Variants in NRG3 observed in about 807,000 individuals in gnomAD.
The protein encoded by NRG3 is neuregulin 3.
Under a neutral mutation model 66.9 loss-of-function variants are expected in NRG3, and 31 were observed. That is an observed-to-expected ratio of 0.46 (90% CI 0.35 to 0.63). The LOEUF (loss-of-function observed/expected upper bound fraction) is 0.63. Among genes scored for constraint, NRG3 ranks in the 20% least tolerant of loss-of-function variants. The probability of loss-of-function intolerance (pLI) is 0.00; values close to 1 mark genes in which losing one functional copy is unlikely to be tolerated. For synonymous variants in NRG3, 393 were observed against 359.4 expected (o/e 1.09, Z -1.06); for missense variants, 910 against 878.9 (o/e 1.04, Z -0.45).
At chr10:82,102,486 A>C (rs996333448) in intron 1 of NRG3, among the ~76,000 whole-genome samples, 1 of 150,976 alleles carries the variant, frequency 6.6e-6, no homozygotes, top group Non-Finnish European at 1.5e-5. Flanking sequence ...ATTTAGGTTT[A>C]GCTTTTTTAT....
chr10:82,146,845 G>T (rs1471300387), intron 1 of NRG3, among the ~76,000 whole-genome samples: 1 of 152,114 alleles, frequency 6.6e-6, no homozygotes, highest in Admixed American at 6.5e-5. Context: ...GTACAGGGAG[G>T]GTTGACCAAG....
In NRG3 at chr10:82,935,686, C is replaced by T. The variant is rs192137399; in HGVS notation, c.1055-15783C>T. Among the ~76,000 whole-genome samples, 146 of 152,068 alleles carry T rather than the reference C, an allele frequency of 9.6e-4. 1 individual carries two copies. The highest frequency in any genetic ancestry group is 2.9e-3 in the African/African-American group (121 of 41,488). On this transcript the variant is annotated intron_variant, in intron 4 of 8. Coordinates refer to ENST00000372141, the MANE Select transcript of NRG3 (RefSeq NM_001010848.4). ...GGCTGGAGTGCAGAGTGCAGTGGCG[C>T]GATCTCAGCTAACTGAAACCTCTGC...
chr10:82,633,386 T>C (rs1310206257), intron 2 of NRG3, among the ~76,000 whole-genome samples: 1 of 152,174 alleles, frequency 6.6e-6, no homozygotes, highest in Non-Finnish European at 1.5e-5. Context: ...ACTAAGTTCT[T>C]GGATAGAAAT....
chr10:82,573,970 T>C (rs1044596070), intron 2 of NRG3, among the ~76,000 whole-genome samples: 2 of 151,766 alleles, frequency 1.3e-5, no homozygotes, highest in Admixed American at 1.3e-4. Flanking sequence ...TGGAAAACAC[T>C]ATGGAGGTTC....
intron 1 of NRG3, among the ~76,000 whole-genome samples, chr10:82,060,231 A>G (rs7907146): frequency 0.86 from 131,472 of 152,230 alleles, 57,780 homozygotes; most frequent in Middle Eastern, 0.97. Flanking sequence ...CATTTCCTTT[A>G]TTGTCTTCAC....
At chr10:82,020,020 T>C (rs909376899) in intron 1 of NRG3, among the ~76,000 whole-genome samples, 1 of 152,150 alleles carries the variant, frequency 6.6e-6, no homozygotes. Context: ...GTTCTTTTAA[T>C]TGTGATGTTA....
intron 3 of NRG3, among the ~76,000 whole-genome samples, chr10:82,809,383 A>G (rs2061408536): frequency 1.3e-5 from 2 of 151,654 alleles, no homozygotes; most frequent in South Asian, 4.1e-4. Context: ...TATATATTAT[A>G]TTTATAAAAT....
intron 4 of NRG3, among the ~76,000 whole-genome samples, chr10:82,900,346 A>C (rs1844097837): frequency 6.6e-6 from 1 of 152,188 alleles, no homozygotes; most frequent in Admixed American, 6.5e-5. Context: ...TTATTTTGAT[A>C]GTGTTACTAT....
chr10:82,191,015 C>T (rs943330733), intron 1 of NRG3, among the ~76,000 whole-genome samples: 1 of 152,072 alleles, frequency 6.6e-6, no homozygotes. Flanking sequence ...CCTGACGTGG[C>T]ACTATTCAGA....
intron 1 of NRG3, among the ~76,000 whole-genome samples, chr10:82,001,389 G>A (rs537996722): frequency 2.0e-5 from 3 of 151,950 alleles, no homozygotes; most frequent in East Asian, 3.9e-4. Context: ...CATAATCCCC[G>A]CTACTTGGGA....
chr10:82,929,049 C>T (rs1411692183), intron 4 of NRG3, among the ~76,000 whole-genome samples: 1 of 152,150 alleles, frequency 6.6e-6, no homozygotes, highest in Non-Finnish European at 1.5e-5. Context: ...TCAACAAATG[C>T]ATGCATTTGG....
intron 2 of NRG3, among the ~76,000 whole-genome samples, chr10:82,574,531 T>A (rs2045925946): frequency 1.3e-5 from 2 of 151,712 alleles, no homozygotes; most frequent in South Asian, 4.1e-4. Flanking sequence ...AAGAAAAGAT[T>A]TGAAATTTGT....
intron 2 of NRG3, among the ~76,000 whole-genome samples, chr10:82,520,158 A>T (rs1014072148): frequency 2.0e-5 from 3 of 149,550 alleles, no homozygotes; most frequent in Non-Finnish European, 4.4e-5. Flanking sequence ...AATTTCCCAG[A>T]AGCTGTCCTA....
At chr10:82,278,185 A>G (rs1457981422) in intron 1 of NRG3, among the ~76,000 whole-genome samples, 4 of 152,082 alleles carry the variant, frequency 2.6e-5, no homozygotes, top group Non-Finnish European at 5.9e-5. Context: ...CAAGAAAATG[A>G]ACAGTTACAA....
chr10:82,423,307 A>G (rs2089206666), intron 2 of NRG3, among the ~76,000 whole-genome samples: 1 of 151,976 alleles, frequency 6.6e-6, no homozygotes, highest in Non-Finnish European at 1.5e-5. Context: ...GTTAGCTTAA[A>G]ATGATTTTGT....
intron 1 of NRG3, among the ~76,000 whole-genome samples, chr10:81,964,464 A>C (rs1328537185): frequency 6.6e-6 from 1 of 152,002 alleles, no homozygotes; most frequent in East Asian, 1.9e-4. Flanking sequence ...AAACATCTGC[A>C]ACAAATTCCA....
At chr10:82,571,166 T>G (rs1485206463) in intron 2 of NRG3, among the ~76,000 whole-genome samples, 1 of 151,598 alleles carries the variant, frequency 6.6e-6, no homozygotes, top group Non-Finnish European at 1.5e-5. Context: ...CTAAACTCCC[T>G]TATTTAATTG....
intron 2 of NRG3, among the ~76,000 whole-genome samples, chr10:82,557,455 CA>C (rs1446774007): frequency 6.6e-6 from 1 of 151,840 alleles, no homozygotes; most frequent in Non-Finnish European, 1.5e-5. Context: ...AGTGTCTTTT[CA>C]TATCCTCTGC....
chr10:82,149,831 T>A (rs1419055288), intron 1 of NRG3, among the ~76,000 whole-genome samples: 1 of 152,160 alleles, frequency 6.6e-6, no homozygotes. Context: ...AAAGCCCTTG[T>A]CCACAGCCCA....
Sources: gnomAD v4.1 joint callset for allele counts (sites outside exome capture counted in the v4.1 genomes callset) on GRCh38, gnomAD v4.1.1 for gene constraint, MANE v1.5 for transcripts, NCBI Gene and HGNC (gene_info 2026-07-23, HGNC 2026-07-21) for gene names.